The following RBBP8NL variants were observed in gnomAD, a reference collection of about 807,000 sequenced individuals.
RBBP8NL encodes RBBP8 N-terminal-like protein.
Under a neutral mutation model 62.2 loss-of-function variants are expected in RBBP8NL, and 59 were observed. That is an observed-to-expected ratio of 0.95 (90% CI 0.77 to 1.18). The LOEUF is 1.18. RBBP8NL is among the 50% of genes most tolerant of loss of function. The probability of loss-of-function intolerance (pLI) is 0.00; values close to 1 mark genes in which losing one functional copy is unlikely to be tolerated. For missense variants in RBBP8NL, 896 were observed against 899.5 expected (o/e 1.00, Z 0.05); for synonymous variants, 412 against 394.1 (o/e 1.05, Z -0.54).
chr20:62,417,395 G>A (rs948146872), intron 3 of RBBP8NL, 76 bp from the exon 4 acceptor site: 2 of 1,207,560 alleles, frequency 1.7e-6, no homozygotes, highest in African/African-American at 2.1e-5. Flanking sequence ...TCCAGCCTGG[G>A]GGGGCAGCGC....
chr20:62,412,758 G>A lies in RBBP8NL; in HGVS notation c.1747-5C>T, dbSNP rs1041455012. On this transcript the variant is annotated splice_polypyrimidine_tract_variant and splice_region_variant and intron_variant, in intron 12 of 13. Coordinates refer to ENST00000252998, the MANE Select transcript of RBBP8NL (RefSeq NM_080833.3). Reference sequence around the variant, plus strand: ...CGCCTGGGAGCTCAGGCCCACCTGGGGAGAAGGGGGTGTGGTCACGAGGAG... The same window carrying A: ...CGCCTGGGAGCTCAGGCCCACCTGGAGAGAAGGGGGTGTGGTCACGAGGAG... The A allele has an allele frequency of 8.7e-6, 14 of 1,612,516 alleles. No individual in the cohort carries two copies. The Admixed American group carries it at 1.0e-4, about 12-fold the overall frequency.
rs1244928264 is a variant in RBBP8NL, at chr20:62,418,446, C to T, written c.81G>A (p.Leu27=). Residue 27 remains leucine, a synonymous_variant, in exon 3 of 14, where the codon CTG becomes CTA. Coordinates refer to ENST00000252998, the MANE Select transcript of RBBP8NL (RefSeq NM_080833.3). ...KEVLGLQNKL[L]ELNSERCRDA... is the part of the protein sequence containing the mutation. ...ACCGGCACCTCTCTGAGTTCAGTTC[C>T]AGAAGCTTGTTCTGCAGGCCTGGGG... 1 of 1,550,256 alleles carries T rather than the reference C, an allele frequency of 6.5e-7. No homozygotes were observed. The highest frequency in any genetic ancestry group is 8.7e-7 in the Non-Finnish European group (1 of 1,146,946).
At chr20:62,418,069 G>T (rs886874215) in intron 3 of RBBP8NL, among the ~76,000 whole-genome samples, 1 of 152,176 alleles carries the variant, frequency 6.6e-6, no homozygotes, top group African/African-American at 2.4e-5. Context: ...GACCATAGCC[G>T]GGTCTATAAG....
chr20:62,414,650 A>T, intron 9 of RBBP8NL, 94 bp from the exon 10 acceptor site: 1 of 1,342,242 alleles, frequency 7.5e-7, no homozygotes, highest in Non-Finnish European at 9.7e-7. Flanking sequence ...CACCCACTCC[A>T]CAGGCGAGGA....
chr20:62,412,463 C>T (rs535460521), intron 13 of RBBP8NL, among the ~76,000 whole-genome samples, 161 bp downstream of exon 13: 1 of 152,330 alleles, frequency 6.6e-6, no homozygotes, highest in East Asian at 1.9e-4. Flanking sequence ...CCTCGCCCTC[C>T]TCTGTGGGGT....
chr20:62,418,938 G>A (rs974609668), intron 2 of RBBP8NL, among the ~76,000 whole-genome samples: 1 of 152,206 alleles, frequency 6.6e-6, no homozygotes, highest in African/African-American at 2.4e-5. Flanking sequence ...AGGCAGCCGG[G>A]TCCTTGGACC....
chr20:62,422,400 A>G (rs1207114015), intron 1 of RBBP8NL, among the ~76,000 whole-genome samples: 12 of 151,360 alleles, frequency 7.9e-5, no homozygotes, highest in Non-Finnish European at 1.5e-4. Flanking sequence ...TTGAGGGTGC[A>G]TTGAACACAG....
intron 1 of RBBP8NL, among the ~76,000 whole-genome samples, chr20:62,422,833 G>A (rs1988737121): frequency 6.6e-6 from 1 of 152,132 alleles, no homozygotes; most frequent in African/African-American, 2.4e-5. Flanking sequence ...AGCGTCCCCA[G>A]GGGCCCCTGA....
At position 62,413,384 on chromosome 20, in the gene RBBP8NL, C is replaced by A; in HGVS notation, c.1675+17G>T. 7.1e-7 allele frequency: 1 copy of A among 1,414,630 alleles called. No homozygotes were observed. The highest frequency in any genetic ancestry group is 1.5e-5 in the African/African-American group (1 of 68,292). 87.6% of individuals were successfully genotyped at this position (1,414,630 alleles called of 1,614,324 possible). On this transcript the variant is annotated intron_variant, in intron 11 of 13. Transcript: ENST00000252998. ...AACACCTCCCAGCTGGACTCTGACCCCAGGTGCTGACTGTACCTGGGTGGC... is the reference window on the plus strand; with the variant it reads ...AACACCTCCCAGCTGGACTCTGACCACAGGTGCTGACTGTACCTGGGTGGC...
At chr20:62,414,790 C>A (rs1988524213) in intron 9 of RBBP8NL, among the ~76,000 whole-genome samples, 1 of 152,222 alleles carries the variant, frequency 6.6e-6, no homozygotes, top group Non-Finnish European at 1.5e-5. Flanking sequence ...GTGGTCTGGG[C>A]TCCAAGGTGG....
chr20:62,420,278 C>T (rs1355130796), intron 1 of RBBP8NL, among the ~76,000 whole-genome samples: 8 of 152,076 alleles, frequency 5.3e-5, no homozygotes, highest in Admixed American at 3.9e-4. Context: ...CTCACCAGAG[C>T]CCTGTACTCA....
intron 3 of RBBP8NL, 22 bp from the exon 4 acceptor site, chr20:62,417,341 G>A (rs982755135): frequency 6.1e-5 from 94 of 1,551,082 alleles, no homozygotes; most frequent in Non-Finnish European, 7.9e-5. Flanking sequence ...AACAGCTAAA[G>A]TGGGGTCCTG....
rs1453672992 is a variant in RBBP8NL at position 62,414,160 on chromosome 20, A to G, written c.1191T>C (p.Pro397=). 1 of 1,608,300 alleles carries G rather than the reference A, an allele frequency of 6.2e-7. No individual in the cohort carries two copies. Among genetic ancestry groups the G allele is most frequent in the Non-Finnish European group, 8.5e-7 (1 of 1,178,806 alleles). The part of the protein sequence containing the change: ...SLPVGSDSEG[P]ENEGTRAALA... ...GAGCTGCCCTGGTCCCCTCATTCTC[A>G]GGGCCCTCAGAGTCTGAGCCGACTG... Residue 397 remains proline (P), a synonymous_variant, in exon 10 of 14, where the codon CCT becomes CCC. Coordinates refer to ENST00000252998, the MANE Select transcript of RBBP8NL (RefSeq NM_080833.3).
chr20:62,416,301 G>A lies in RBBP8NL; in HGVS notation c.314-65C>T, dbSNP rs543732167. The A allele has an allele frequency of 3.4e-4, 429 of 1,274,978 alleles. 10 individuals carry two copies. In the South Asian group the frequency reaches 4.1e-3, roughly 12 times the overall value. The allele number at this position is 1,274,978 out of a possible 1,614,324, so 79.0% of individuals were successfully genotyped here. A position where few individuals can be genotyped will look rare whatever the true frequency, so the allele number is the denominator to read the frequency against. ...GGGGGACAGGGGCAGGGGTGGGGTC[G>A]TCACAGCACCAGGGAAGCCCCTCAG... is the stretch of plus-strand genomic sequence containing the variant. On this transcript the variant is annotated intron_variant, in intron 5 of 13. Coordinates refer to ENST00000252998, the MANE Select transcript of RBBP8NL (RefSeq NM_080833.3).
intron 1 of RBBP8NL, among the ~76,000 whole-genome samples, chr20:62,420,358 A>G (rs868374358): frequency 2.5e-5 from 3 of 121,056 alleles, no homozygotes; most frequent in Admixed American, 8.5e-5. Context: ...AGGCACACAC[A>G]CACACACACA....
intron 5 of RBBP8NL, 52 bp from the exon 6 acceptor site, chr20:62,416,288 C>CGGGGGGG (rs2146440166): frequency 5.3e-5 from 11 of 206,512 alleles, no homozygotes; most frequent in Non-Finnish European, 7.5e-5. Flanking sequence ...GGGACAGGGG[C>CGGGGGGG]AGGGGTGGGG....
Position 62,420,945 on chromosome 20 carries a change from A to C in RBBP8NL, c.-83-1215T>G, listed in dbSNP as rs923030846. ...CCTGGGCTGGAGCACTCATCGTCAA[A>C]CCCTCCCAGACCTTTCCAAATTCCC... On this transcript the variant is annotated intron_variant, in intron 1 of 13. Coordinates refer to ENST00000252998, the MANE Select transcript of RBBP8NL (RefSeq NM_080833.3). Among the ~76,000 whole-genome samples the C allele has an allele frequency of 3.9e-5, 6 of 152,134 alleles. No homozygotes were observed. In the South Asian group the frequency reaches 1.2e-3, roughly 32 times the overall value.
intron 8 of RBBP8NL, 23 bp from the exon 9 acceptor site, chr20:62,415,310 C>G: frequency 1.3e-6 from 2 of 1,557,898 alleles, no homozygotes; most frequent in Non-Finnish European, 1.7e-6. Context: ...GTGGGTCAGC[C>G]TGGGCGGGGG....
intron 2 of RBBP8NL, among the ~76,000 whole-genome samples, chr20:62,418,977 A>T (rs1310147889): frequency 1.3e-5 from 2 of 151,968 alleles, no homozygotes; most frequent in Non-Finnish European, 2.9e-5. Flanking sequence ...CTCAGTGGAA[A>T]GACCACGGGG....
Sources: gnomAD v4.1 joint callset for allele counts (sites outside exome capture counted in the v4.1 genomes callset) on GRCh38, gnomAD v4.1.1 for gene constraint, MANE v1.5 for transcripts, NCBI Gene and HGNC (gene_info 2026-07-23, HGNC 2026-07-21) for gene names.